Variants in DYRK4 observed in about 807,000 individuals in gnomAD.
DYRK4 encodes the protein dual specificity tyrosine phosphorylation regulated kinase 4, also known as dual specificity tyrosine-phosphorylation-regulated kinase 4.
DYRK4 carries 64 observed loss-of-function variants against 68.3 expected under a neutral mutation model. That is an observed-to-expected ratio of 0.94 (90% CI 0.77 to 1.15). DYRK4 has a LOEUF of 1.15. Ranked by LOEUF, DYRK4 falls within the 50% of genes most tolerant of loss-of-function variation. The pLI, the probability that DYRK4 is intolerant of heterozygous loss-of-function variation, is 0.00. For synonymous variants in DYRK4, 274 were observed against 289.9 expected (o/e 0.95, Z 0.56); for missense variants, 740 against 764.7 (o/e 0.97, Z 0.38).
At position 4,613,309 on chromosome 12, in the gene DYRK4, C is replaced by T. The variant is rs1238546342; in HGVS notation, c.1667-206C>T. On this transcript the variant is annotated intron_variant, in intron 14 of 14. Coordinates refer to ENST00000543431, the MANE Select transcript of DYRK4 (RefSeq NM_001394779.1). The surrounding 1 kb of genome is among the most constrained non-coding windows in gnomAD (Gnocchi z 4.0). ...TATGAGAATGAGAATAAAGCCTGTT[C>T]TCCAGGGTCGCTGAAATGATCAGAC... Among the ~76,000 whole-genome samples the T allele has an allele frequency of 6.6e-6, 1 of 152,190 alleles. No individual in the cohort carries two copies. The highest frequency in any genetic ancestry group is 2.4e-5 in the African/African-American group (1 of 41,436).
rs1945005513 is a variant in DYRK4, at chr12:4,595,343, G to T, written c.628-806G>T. ...CATGAGTGTAACACTAGAAATTAGA[G>T]ACCCACAGAGCTTGAGGACCTTAGA... On this transcript the variant is annotated intron_variant, in intron 6 of 14. Coordinates refer to ENST00000543431, the MANE Select transcript of DYRK4 (RefSeq NM_001394779.1). Among the ~76,000 whole-genome samples, 6 of 152,174 alleles carry T rather than the reference G, an allele frequency of 3.9e-5. No homozygotes were observed. The South Asian group carries it at 1.2e-3, about 32-fold the overall frequency.
intron 3 of DYRK4, chr12:4,589,963 A>G (rs1272412843): frequency 5.8e-6 from 1 of 171,860 alleles, no homozygotes; most frequent in Non-Finnish European, 1.2e-5. Context: ...AATGGCCAGC[A>G]CTTACAGAAT....
At chr12:4,582,217 G>A (rs1472556795) in intron 2 of DYRK4, among the ~76,000 whole-genome samples, 2 of 152,216 alleles carry the variant, frequency 1.3e-5, no homozygotes, top group African/African-American at 4.8e-5. Flanking sequence ...GCTGAGGTGG[G>A]AGGTTTCACC....
At chr12:4,581,176 G>T (rs935045920) in intron 2 of DYRK4, among the ~76,000 whole-genome samples, 1 of 152,132 alleles carries the variant, frequency 6.6e-6, no homozygotes, top group African/African-American at 2.4e-5. Flanking sequence ...CTTGCTGGGG[G>T]TCAGGGCCTG....
At chr12:4,575,298 A>ATTTTGTGTGTGTGTGTGTGTGTGT (rs562026104) in intron 2 of DYRK4, among the ~76,000 whole-genome samples, 1,538 of 144,146 alleles carry the variant, frequency 0.011, 13 homozygotes, top group Non-Finnish European at 0.016. Context: ...ACAATAACTT[A>ATTTTGTGTGTGTGTGTGTGTGTGT]CTGTGTGTGT....
intron 6 of DYRK4, among the ~76,000 whole-genome samples, chr12:4,595,323 G>T (rs990565667): frequency 2.0e-5 from 3 of 152,206 alleles, no homozygotes; most frequent in Non-Finnish European, 4.4e-5. Flanking sequence ...AAACTCATGA[G>T]TGTAACACTA....
At chr12:4,601,876 TTGTGTG>T (rs58259135) in intron 10 of DYRK4, 1,643 of 157,082 alleles carry the variant, frequency 0.01, no homozygotes, top group Middle Eastern at 0.022. Flanking sequence ...TCTGTAGGGT[TTGTGTG>T]TGTGTGTGTG....
intron 2 of DYRK4, chr12:4,573,482 C>A: frequency 1.0e-6 from 1 of 1,001,912 alleles, no homozygotes; most frequent in Non-Finnish European, 1.4e-6. Context: ...CAGGAATTGG[C>A]GGGTGGGGGC....
At chr12:4,598,260 G>A (rs755724297) in intron 8 of DYRK4, among the ~76,000 whole-genome samples, 3 of 152,144 alleles carry the variant, frequency 2.0e-5, no homozygotes, top group Admixed American at 1.3e-4. Context: ...AAAGCTAGAT[G>A]ATCTTAGAAA....
intron 2 of DYRK4, among the ~76,000 whole-genome samples, chr12:4,584,549 A>G (rs1430927727): frequency 5.1e-5 from 7 of 136,140 alleles, no homozygotes; most frequent in South Asian, 2.2e-4. Flanking sequence ...TTTTCTAATC[A>G]GCCTTTTTTT....
At chr12:4,599,841 C>T in intron 10 of DYRK4, 53 bp downstream of exon 10, 1 of 1,487,832 alleles carries the variant, frequency 6.7e-7, no homozygotes, top group Non-Finnish European at 9.4e-7. Context: ...AATTTCTCTC[C>T]CTTCACATAC....
chr12:4,566,563 G>C (rs1591782121), intron 1 of DYRK4, among the ~76,000 whole-genome samples: 1 of 152,174 alleles, frequency 6.6e-6, no homozygotes, highest in African/African-American at 2.4e-5. Context: ...GTTGCAGAAG[G>C]CTGTATTAAT....
intron 2 of DYRK4, among the ~76,000 whole-genome samples, chr12:4,584,663 C>G (rs1363837696): frequency 6.8e-6 from 1 of 146,422 alleles, no homozygotes; most frequent in African/African-American, 2.5e-5. Flanking sequence ...TCATGCCATT[C>G]TCCTGCCTCA....
Position 4,604,975 on chromosome 12 carries a change from C to T in DYRK4, c.1188C>T (p.Tyr396=), listed in dbSNP as rs749641359. The T allele has an allele frequency of 6.2e-7, 1 of 1,614,032 alleles. No homozygotes were observed. The highest frequency in any genetic ancestry group is 1.1e-5 in the South Asian group (1 of 91,068). The change falls in exon 11 of 15, where the codon TAC becomes TAT. Residue 396 remains tyrosine, a synonymous_variant. Transcript: ENST00000543431. ...RSPEVILGHP[Y]DVAIDMWSLG... ...CAGAAGTGATCCTGGGCCACCCCTA[C>T]GACGTGGCCATTGACATGTGGAGCC...
At position 4,591,518 on chromosome 12, in the gene DYRK4, G is replaced by C. The variant is rs1944954478; in HGVS notation, c.463+220G>C. The C allele has an allele frequency of 3.4e-6, 2 of 583,488 alleles. No homozygotes were observed. Among genetic ancestry groups the C allele is most frequent in the South Asian group, 6.2e-5 (2 of 32,338 alleles). 36.1% of individuals were successfully genotyped at this position (583,488 alleles called of 1,614,324 possible). On this transcript the variant is annotated intron_variant, in intron 5 of 14. Transcript: ENST00000543431. The surrounding 1 kb of genome is among the most constrained non-coding windows in gnomAD (Gnocchi z 4.1). ...TGAATTTCCCCCAAGGAGTGGCTCT[G>C]GGCAAGGGCGGGATGTACCAATGCA...
chr12:4,590,445 G>A lies in DYRK4; in HGVS notation c.324+5G>A, dbSNP rs1474629127. 2.6e-6 allele frequency: 4 copies of A among 1,534,662 alleles called. No homozygotes were observed. The highest frequency in any genetic ancestry group is 3.5e-6 in the Non-Finnish European group (4 of 1,146,448). On this transcript the variant is annotated splice_donor_5th_base_variant and intron_variant, in intron 4 of 14. Coordinates refer to ENST00000543431, the MANE Select transcript of DYRK4 (RefSeq NM_001394779.1). ...AAGTCATCCCTGCTGTATCAGGTGAGTGCAGACGGACTGGACCCTGAGAAG... is the reference window on the plus strand; with the variant it reads ...AAGTCATCCCTGCTGTATCAGGTGAATGCAGACGGACTGGACCCTGAGAAG...
chr12:4,590,813 A>G (rs1315009299), intron 4 of DYRK4: 3 of 411,654 alleles, frequency 7.3e-6, no homozygotes, highest in Non-Finnish European at 1.3e-5. Flanking sequence ...TCACACACAC[A>G]TAAGTCCATG....
At chr12:4,572,775 C>T (rs535502414) in intron 2 of DYRK4, 16 of 154,222 alleles carry the variant, frequency 1.0e-4, no homozygotes, top group African/African-American at 3.4e-4. Context: ...GTGAGCTCTC[C>T]GGCTGGCACA....
At position 4,613,723 on chromosome 12, in the gene DYRK4, G is replaced by C. The variant is rs1436748893; in HGVS notation, c.1875G>C (p.Lys625Asn). The change falls in exon 15 of 15, where the codon AAG becomes AAC. Residue 625 changes from lysine to asparagine, a missense_variant. Lys to Asn is a moderately conservative substitution (Grantham distance 94). Coordinates refer to ENST00000543431, the MANE Select transcript of DYRK4 (RefSeq NM_001394779.1). This position sits in a 1 kb window ranked among gnomAD's most constrained non-coding sequence, Gnocchi z 4.0. ...SPGQSKNFSL[K>N]NTNVLPPIV ...GACAGAGCAAAAACTTCTCCCTCAA[G>C]AACACAAACGTTTTACCCCCTATTG... The C allele has an allele frequency of 1.3e-6, 2 of 1,578,440 alleles. No individual in the cohort carries two copies. Among genetic ancestry groups the C allele is most frequent in the East Asian group, 4.5e-5 (2 of 44,052 alleles).
Sources: allele counts gnomAD v4.1 joint callset (sites outside exome capture counted in the v4.1 genomes callset), GRCh38; gene constraint gnomAD v4.1.1; non-coding constraint Gnocchi (gnomAD v3.1); transcripts MANE v1.5; gene names NCBI Gene and HGNC (gene_info 2026-07-23, HGNC 2026-07-21).